The following GALNT13 variants were observed in gnomAD, a reference collection of about 807,000 sequenced individuals.
GALNT13 encodes UDP-GalNAc:polypeptide N-acetylgalactosaminyltransferase 13.
Under a neutral mutation model 64.2 loss-of-function variants are expected in GALNT13, and 28 were observed. The ratio of observed to expected loss-of-function variants is 0.44; its 90% CI spans 0.32 to 0.60. The LOEUF (loss-of-function observed/expected upper bound fraction) is 0.60. Ranked by LOEUF, GALNT13 falls within the 20% of genes least tolerant of loss-of-function variation. The probability of loss-of-function intolerance (pLI) is 0.05; values close to 1 mark genes in which losing one functional copy is unlikely to be tolerated. For synonymous variants in GALNT13, 214 were observed against 224.6 expected, an observed-to-expected ratio of 0.95 and a Z score of 0.42; for missense variants, 577 against 669.8, an observed-to-expected ratio of 0.86 and a Z score of 1.53.
chr2:154,103,565 G>T (rs540817757), intron 3 of GALNT13, among the ~76,000 whole-genome samples: 1 of 152,226 alleles, frequency 6.6e-6, no homozygotes, highest in South Asian at 2.1e-4. Flanking sequence ...TTGTACTGCT[G>T]GAGTTCTTGG....
the GALNT13 span, among the ~76,000 whole-genome samples, chr2:153,384,606 T>C: frequency 6.6e-6 from 1 of 152,014 alleles, no homozygotes; most frequent in Non-Finnish European, 1.5e-5. Context: ...AAAGGCAAGA[T>C]GGAAATCTGA....
rs181367880 is a variant in GALNT13 at position 153,928,150 on chromosome 2, T to A, written c.-104-16244T>A. Among the ~76,000 whole-genome samples, 70 of 152,214 alleles carry A rather than the reference T, an allele frequency of 4.6e-4. No homozygotes were observed. In the East Asian group the frequency reaches 9.5e-3, roughly 21 times the overall value. On this transcript the variant is annotated intron_variant, in intron 2 of 12. Transcript: ENST00000392825. ...ACCAGACTAGTCAGAGTGACTCTGA[T>A]ACAATTTTACAAGATAATATATTAT... is the stretch of plus-strand genomic sequence containing the variant.
chr2:153,621,534 G>A, the GALNT13 span, among the ~76,000 whole-genome samples: 2 of 152,054 alleles, frequency 1.3e-5, no homozygotes, highest in South Asian at 4.1e-4. Flanking sequence ...TTCCCTTCAG[G>A]GCAGCAATGT....
chr2:154,054,556 T>TA lies in GALNT13; in HGVS notation c.143-85774dup, dbSNP rs537336249. On this transcript the variant is annotated intron_variant, in intron 3 of 12. Coordinates refer to ENST00000392825, the MANE Select transcript of GALNT13 (RefSeq NM_052917.4). ...AATAGGAAAATGATTATTTTCATTT[T>TA]AAAAAAATTAAGGTATAAATTGTGT... is the stretch of plus-strand genomic sequence containing the variant. Among the ~76,000 whole-genome samples, 56 of 152,190 alleles carry TA rather than the reference T, an allele frequency of 3.7e-4. 1 individual carries two copies. The highest frequency in any genetic ancestry group is 3.3e-3 in the Admixed American group (51 of 15,298).
chr2:153,161,759 T>A, the GALNT13 span, among the ~76,000 whole-genome samples: 1 of 151,910 alleles, frequency 6.6e-6, no homozygotes, highest in African/African-American at 2.4e-5. Flanking sequence ...TTTTGTAGAG[T>A]CTTGTAAGCC....
chr2:153,350,476 G>A, the GALNT13 span, among the ~76,000 whole-genome samples: 1 of 148,744 alleles, frequency 6.7e-6, no homozygotes, highest in Non-Finnish European at 1.5e-5. Flanking sequence ...TCTGTCTCCC[G>A]GGTTCAAGCG....
chr2:153,193,626 TAATA>T, the GALNT13 span, among the ~76,000 whole-genome samples: 8 of 148,894 alleles, frequency 5.4e-5, no homozygotes, highest in Admixed American at 6.8e-5. Context: ...AATAGGTTTA[TAATA>T]AATAAATATT....
the GALNT13 span, among the ~76,000 whole-genome samples, chr2:153,204,551 C>G: frequency 6.6e-6 from 1 of 152,200 alleles, no homozygotes; most frequent in African/African-American, 2.4e-5. Context: ...CCAGGCCACA[C>G]TGTAACTAAT....
At chr2:153,165,648 A>G in the GALNT13 span, among the ~76,000 whole-genome samples, 344 of 152,290 alleles carry the variant, frequency 2.3e-3, 2 homozygotes, top group African/African-American at 8.0e-3. Context: ...GGAAGCTGGT[A>G]TTCTCTCTTA....
intron 11 of GALNT13, among the ~76,000 whole-genome samples, chr2:154,422,952 G>A (rs906134451): frequency 1.3e-5 from 2 of 151,982 alleles, no homozygotes; most frequent in African/African-American, 4.8e-5. Flanking sequence ...TAGGGTACAT[G>A]TGCACAATGT....
At chr2:153,144,224 A>G in the GALNT13 span, among the ~76,000 whole-genome samples, 1 of 151,898 alleles carries the variant, frequency 6.6e-6, no homozygotes, top group Non-Finnish European at 1.5e-5. Context: ...ATTCAGAGAG[A>G]AGGGAATATG....
the GALNT13 span, among the ~76,000 whole-genome samples, chr2:153,320,150 T>G: frequency 2.6e-5 from 4 of 152,264 alleles, no homozygotes; most frequent in Admixed American, 2.0e-4. Flanking sequence ...AATGTGCAGC[T>G]AGGCTTGATG....
chr2:154,269,717 A>G (rs1400371510), intron 8 of GALNT13, among the ~76,000 whole-genome samples: 1 of 151,302 alleles, frequency 6.6e-6, no homozygotes, highest in Non-Finnish European at 1.5e-5. Flanking sequence ...TTGAAGTTTT[A>G]GCTTCTGTGC....
chr2:153,924,343 G>A (rs541073358), intron 2 of GALNT13, among the ~76,000 whole-genome samples: 1 of 152,020 alleles, frequency 6.6e-6, no homozygotes, highest in East Asian at 1.9e-4. Flanking sequence ...AGTTTGCTGA[G>A]GATAGTGGCT....
chr2:153,533,064 T>A, the GALNT13 span, among the ~76,000 whole-genome samples: 3 of 152,228 alleles, frequency 2.0e-5, no homozygotes, highest in Non-Finnish European at 2.9e-5. Flanking sequence ...TCTTTTTGCT[T>A]GAATGGATTC....
At chr2:154,396,367 T>A (rs1005938402) in intron 10 of GALNT13, among the ~76,000 whole-genome samples, 2 of 152,168 alleles carry the variant, frequency 1.3e-5, no homozygotes, top group Non-Finnish European at 2.9e-5. Flanking sequence ...CTAAAGCTTT[T>A]GGTCATTTAC....
intron 3 of GALNT13, among the ~76,000 whole-genome samples, chr2:153,999,322 A>G (rs2105215214): frequency 6.6e-6 from 1 of 150,980 alleles, no homozygotes; most frequent in African/African-American, 2.4e-5. Context: ...CTCTGGCCAA[A>G]TTGCTGTGGC....
the GALNT13 span, among the ~76,000 whole-genome samples, chr2:153,751,445 T>C: frequency 6.6e-6 from 1 of 151,898 alleles, no homozygotes; most frequent in South Asian, 2.1e-4. Flanking sequence ...CTCCAACTAT[T>C]ATTGTACTGG....
At chr2:153,235,015 T>C in the GALNT13 span, among the ~76,000 whole-genome samples, 1 of 152,194 alleles carries the variant, frequency 6.6e-6, no homozygotes, top group Non-Finnish European at 1.5e-5. Flanking sequence ...TATGGTGATC[T>C]GTTATCAGTG....
Sources: allele counts gnomAD v4.1 joint callset (sites outside exome capture counted in the v4.1 genomes callset), GRCh38; gene constraint gnomAD v4.1.1; transcripts MANE v1.5; gene names NCBI Gene and HGNC (gene_info 2026-07-23, HGNC 2026-07-21).